The following BIRC6 variants were observed in gnomAD, a reference collection of about 807,000 sequenced individuals.
The protein encoded by BIRC6 is dual E2 ubiquitin-conjugating enzyme/E3 ubiquitin-protein ligase BIRC6.
A neutral mutation model predicts 503.3 loss-of-function variants in BIRC6; 98 were observed. The observed-to-expected ratio is 0.19, with a 90% CI of 0.17 to 0.23. BIRC6 has a LOEUF of 0.23. Among genes scored for constraint, BIRC6 ranks in the 10% least tolerant of loss-of-function variants. The probability of loss-of-function intolerance (pLI) is 1.00; values close to 1 mark genes in which losing one functional copy is unlikely to be tolerated. For missense variants in BIRC6, 5,360 were observed against 5,806.0 expected (o/e 0.92, Z 2.50); for synonymous variants, 2,240 against 2,078.7 (o/e 1.08, Z -2.11).
At chr2:32,477,732 C>CAAAA in intron 35 of BIRC6, 149 bp downstream of exon 35, 2 of 167,092 alleles carry the variant, frequency 1.2e-5, no homozygotes, top group East Asian at 9.7e-5. Context: ...AACCCCGTCT[C>CAAAA]TACAAAAAAA....
In BIRC6 at chr2:32,471,083, C is replaced by A; in HGVS notation, c.6551C>A (p.Thr2184Asn). ...TCCAGGTTGCTGGATTATGTGGCAA[C>A]TGTTGAAGATGAAGCAGCAGCTGCA... ...LVSRLLDYVA[T>N]VEDEAAAAKK... Residue 2184 changes from threonine to asparagine, a missense_variant, in exon 32 of 74, where the codon ACT becomes AAT. Transcript: ENST00000421745. The A allele has an allele frequency of 6.3e-7, 1 of 1,582,386 alleles. No individual in the cohort carries two copies. Among genetic ancestry groups the A allele is most frequent in the Non-Finnish European group, 8.6e-7 (1 of 1,162,306 alleles).
At chr2:32,430,347 C>G (rs1262665828) in intron 11 of BIRC6, among the ~76,000 whole-genome samples, 1 of 152,130 alleles carries the variant, frequency 6.6e-6, no homozygotes, top group African/African-American at 2.4e-5. Flanking sequence ...GCAAGATTTT[C>G]TTAACTGCCA....
intron 10 of BIRC6, among the ~76,000 whole-genome samples, chr2:32,428,796 C>T (rs1297533439): frequency 2.0e-5 from 3 of 152,114 alleles, no homozygotes; most frequent in Non-Finnish European, 4.4e-5. Flanking sequence ...TCCAGTATAG[C>T]TAGTGCCTCA....
chr2:32,525,199 G>T (rs1056293951), intron 58 of BIRC6, among the ~76,000 whole-genome samples, 180 bp downstream of exon 58: 6 of 151,378 alleles, frequency 4.0e-5, no homozygotes, highest in African/African-American at 1.5e-4. Context: ...CACTAAATAG[G>T]TTGTCATCTG....
intron 61 of BIRC6, among the ~76,000 whole-genome samples, chr2:32,535,065 A>C (rs2057104279): frequency 6.8e-6 from 1 of 146,578 alleles, no homozygotes; most frequent in Non-Finnish European, 1.5e-5. Context: ...CCAGCTACTC[A>C]GGAGACTGAA....
At chr2:32,496,231 C>A (rs1270620731) in intron 45 of BIRC6, among the ~76,000 whole-genome samples, 3 of 151,404 alleles carry the variant, frequency 2.0e-5, no homozygotes, top group Admixed American at 2.0e-4. Flanking sequence ...CTAATTCATA[C>A]ACTTTTTTTT....
intron 43 of BIRC6, among the ~76,000 whole-genome samples, chr2:32,491,220 G>A (rs539242652): frequency 6.6e-6 from 1 of 152,270 alleles, no homozygotes; most frequent in Non-Finnish European, 1.5e-5. Flanking sequence ...GGTGTTTTCA[G>A]AATCAGAAGG....
At chr2:32,606,106 G>A (rs2062430168) in intron 71 of BIRC6, among the ~76,000 whole-genome samples, 1 of 152,152 alleles carries the variant, frequency 6.6e-6, no homozygotes, top group Non-Finnish European at 1.5e-5. Flanking sequence ...TTTATGAATT[G>A]CGTAGATAAT....
chr2:32,496,327 G>A (rs1173997511), intron 45 of BIRC6, among the ~76,000 whole-genome samples: 1 of 151,734 alleles, frequency 6.6e-6, no homozygotes, highest in Non-Finnish European at 1.5e-5. Context: ...CTGGGTTCGT[G>A]CAATTCTCAT....
chr2:32,546,280 G>C (rs1258084989), intron 63 of BIRC6, among the ~76,000 whole-genome samples: 1 of 152,110 alleles, frequency 6.6e-6, no homozygotes, highest in Non-Finnish European at 1.5e-5. Context: ...TAATTGTATT[G>C]TAGAACATAC....
chr2:32,600,042 C>A (rs2061947123), intron 70 of BIRC6, 142 bp downstream of exon 70: 2 of 756,556 alleles, frequency 2.6e-6, no homozygotes, highest in Non-Finnish European at 4.2e-6. Context: ...TCCAGATTAG[C>A]TTAAGCAATA....
chr2:32,455,498 C>T (rs2047161618), intron 23 of BIRC6, among the ~76,000 whole-genome samples: 1 of 151,494 alleles, frequency 6.6e-6, no homozygotes, highest in African/African-American at 2.4e-5. Flanking sequence ...TGGCAGGCAC[C>T]TGCCTGTAGT....
rs114349611 is a variant in BIRC6, at chr2:32,543,519, A to G, written c.12570A>G (p.Gly4190=). Residue 4190 remains glycine (G), a synonymous_variant, in exon 62 of 74, where the codon GGA becomes GGG. Transcript: ENST00000421745. ...AGTGCCTTCTTCGATTGGTATTGGG[A>G]GTGACAGATGATGGAGAAGGAAGTA... ...HAQCLLRLVL[G]VTDDGEGSHI... 239 of 1,613,776 alleles carry G rather than the reference A, an allele frequency of 1.5e-4. No individual in the cohort carries two copies. The African/African-American group carries it at 2.9e-3, about 20-fold the overall frequency.
Position 32,525,366 on chromosome 2 carries a change from G to A in BIRC6, c.11756-98G>A, listed in dbSNP as rs1442320422. 6 of 1,285,242 alleles carry A rather than the reference G, an allele frequency of 4.7e-6. No individual in the cohort carries two copies. The African/African-American group carries it at 5.9e-5, about 13-fold the overall frequency. The allele number at this position is 1,285,242 out of a possible 1,614,324, so 79.6% of individuals were successfully genotyped here. A position where few individuals can be genotyped will look rare whatever the true frequency, so the allele number is the denominator to read the frequency against. On this transcript the variant is annotated intron_variant, in intron 58 of 73. Coordinates refer to ENST00000421745, the MANE Select transcript of BIRC6 (RefSeq NM_016252.4). Reference sequence around the variant, plus strand: ...GGAACATTTCTGTTTTCTGACATTAGCTAGGAATGCATGCCTTATTAAAAT... The same window carrying A: ...GGAACATTTCTGTTTTCTGACATTAACTAGGAATGCATGCCTTATTAAAAT...
intron 56 of BIRC6, 53 bp from the exon 57 acceptor site, chr2:32,518,764 A>G (rs929010729): frequency 1.2e-5 from 19 of 1,562,892 alleles, no homozygotes; most frequent in Non-Finnish European, 1.7e-5. Context: ...ATTTTATAAC[A>G]ATATGTATTC....
intron 61 of BIRC6, among the ~76,000 whole-genome samples, chr2:32,538,874 C>A (rs1423056915): frequency 6.6e-6 from 1 of 152,194 alleles, no homozygotes; most frequent in African/African-American, 2.4e-5. Context: ...TGCCCCTGCA[C>A]TGCAGCCTGG....
intron 61 of BIRC6, among the ~76,000 whole-genome samples, chr2:32,539,479 T>C (rs971038052): frequency 6.6e-6 from 1 of 152,206 alleles, no homozygotes; most frequent in Non-Finnish European, 1.5e-5. Context: ...AAACCCAGTA[T>C]GTTCTGTGAC....
At chr2:32,540,980 G>A (rs374461310) in intron 61 of BIRC6, among the ~76,000 whole-genome samples, 6 of 152,072 alleles carry the variant, frequency 3.9e-5, no homozygotes, top group African/African-American at 7.2e-5. Context: ...TCTGATTTTC[G>A]TGAAGTTGAG....
Position 32,488,643 on chromosome 2 carries a change from G to A in BIRC6, c.8024G>A (p.Gly2675Glu). 2.6e-6 allele frequency: 4 copies of A among 1,512,152 alleles called. No homozygotes were observed. The highest frequency in any genetic ancestry group is 3.6e-6 in the Non-Finnish European group (4 of 1,115,646). The allele number at this position is 1,512,152 out of a possible 1,614,324, so 93.7% of individuals were successfully genotyped here. Residue 2675 changes from glycine (G) to glutamate (E), a missense_variant, in exon 42 of 74, where the codon GGA becomes GAA. Coordinates refer to ENST00000421745, the MANE Select transcript of BIRC6 (RefSeq NM_016252.4). Reference protein sequence around the residue: ...LTLSLNSSSTGNKENGADIFL... With the variant: ...LTLSLNSSSTENKENGADIFL... ...CTGAGCCTGAATTCTAGTTCAACTG[G>A]AAACAAAGAAAATGGAGCAGACATA...
Sources: gnomAD v4.1 joint callset for allele counts (sites outside exome capture counted in the v4.1 genomes callset) on GRCh38, gnomAD v4.1.1 for gene constraint, MANE v1.5 for transcripts, NCBI Gene and HGNC (gene_info 2026-07-23, HGNC 2026-07-21) for gene names.